HPS4: variants seen among roughly 807,000 people sequenced by gnomAD.
HPS4 encodes BLOC-3 complex member HPS4.
A neutral mutation model predicts 70.3 loss-of-function variants in HPS4; 44 were observed. The observed-to-expected ratio is 0.63, with a 90% CI of 0.49 to 0.80. The LOEUF (loss-of-function observed/expected upper bound fraction) is 0.80, where lower values mean the gene tolerates loss of function less well. HPS4 is among the 30% of genes least tolerant of loss of function. The pLI is 0.00. For missense variants in HPS4, 873 were observed against 884.4 expected, an observed-to-expected ratio of 0.99 and a Z score of 0.16; for synonymous variants, 377 against 355.9, an observed-to-expected ratio of 1.06 and a Z score of -0.67.
chr22:26,458,101 A>T, intron 12 of HPS4, 134 bp from the exon 13 acceptor site: 2 of 802,608 alleles, frequency 2.5e-6, no homozygotes, highest in Non-Finnish European at 4.2e-6. Flanking sequence ...GCAGAGACAA[A>T]GGCCCGGGGC....
At chr22:26,466,111 T>A in intron 9 of HPS4, 115 bp downstream of exon 9, 3 of 1,609,402 alleles carry the variant, frequency 1.9e-6, no homozygotes, top group Non-Finnish European at 2.5e-6. Context: ...TTTCCTATTA[T>A]GAGCAGAGGA....
At position 26,445,797 on chromosome 22, in the gene HPS4, G is replaced by A. The variant is rs776062783; in HGVS notation, n.519-1103C>T. On this transcript the variant is annotated intron_variant and non_coding_transcript_variant, in intron 3 of 3. Transcript: ENST00000493455. ...ACACATCGGGACAGCAGTGGGTGTGGCCAGAGAAGCCAGTGGCTACTTTCA... is the reference window on the plus strand; with the variant it reads ...ACACATCGGGACAGCAGTGGGTGTGACCAGAGAAGCCAGTGGCTACTTTCA... Among the ~76,000 whole-genome samples, 16 of 152,326 alleles carry A rather than the reference G, an allele frequency of 1.1e-4. No homozygotes were observed. In the Middle Eastern group the frequency reaches 0.014, roughly 130 times the overall value.
rs561924147 is a variant in HPS4, at chr22:26,453,066, C to A, written c.*167G>T. 8.0e-6 allele frequency: 6 copies of A among 745,428 alleles called. No homozygotes were observed. The highest frequency in any genetic ancestry group is 2.6e-5 in the East Asian group (1 of 39,006). 46.2% of individuals were successfully genotyped at this position (745,428 alleles called of 1,614,324 possible). ...GACCTGAAGAACTAACCCCTGCCCC[C>A]AAAACACATCCCAATCTGCAAAAGG... is the stretch of plus-strand genomic sequence containing the variant. On this transcript the variant is annotated 3_prime_UTR_variant, in exon 14 of 14. Coordinates refer to ENST00000398145, the MANE Select transcript of HPS4 (RefSeq NM_022081.6).
At chr22:26,466,175 A>G (rs752910398) in intron 9 of HPS4, 51 bp downstream of exon 9, 2 of 1,612,384 alleles carry the variant, frequency 1.2e-6, no homozygotes, top group South Asian at 1.1e-5. Flanking sequence ...AGGGGTAGGT[A>G]GCATAAAAGA....
chr22:26,465,790 G>C (rs972754482), intron 9 of HPS4: 1 of 579,710 alleles, frequency 1.7e-6, no homozygotes, highest in Non-Finnish European at 3.1e-6. Context: ...ATGTTCGGGA[G>C]AGAAAGGTTG....
downstream of HPS4, among the ~76,000 whole-genome samples, chr22:26,446,179 G>A (rs141363239): frequency 1.1e-4 from 17 of 152,280 alleles, no homozygotes; most frequent in East Asian, 3.1e-3. Flanking sequence ...CCTTCCACCC[G>A]AGACAGGCTG....
In HPS4 at chr22:26,481,811, T is replaced by C. The variant is rs1477328535; in HGVS notation, c.-49A>G. 17 of 1,563,434 alleles carry C rather than the reference T, an allele frequency of 1.1e-5. No individual in the cohort carries two copies. Among genetic ancestry groups the C allele is most frequent in the African/African-American group, 1.4e-5 (1 of 73,838 alleles). On this transcript the variant is annotated 5_prime_UTR_variant, in exon 2 of 14. It adds an upstream start codon to the 5' untranslated region. Coordinates refer to ENST00000398145, the MANE Select transcript of HPS4 (RefSeq NM_022081.6). ...TCTTCATTTAGGTTTTCTTTTCCGG[T>C]ATCACTTCTTTCTCCCTAGCTGTGA...
rs1457438126 is a variant in HPS4 at position 26,453,189 on chromosome 22, T to G, written c.*44A>C. ...CTTTTCAATTATAAAAGGCAGAGCT[T>G]CCTTTGCTGGTTTTCTCCTTCCCAG... is the stretch of plus-strand genomic sequence containing the variant. On this transcript the variant is annotated 3_prime_UTR_variant, in exon 14 of 14. Transcript: ENST00000398145. 6.3e-7 allele frequency: 1 copy of G among 1,594,942 alleles called. No homozygotes were observed. Among genetic ancestry groups the G allele is most frequent in the Non-Finnish European group, 8.6e-7 (1 of 1,163,596 alleles).
At chr22:26,447,154 A>C (rs967667586), downstream of HPS4, among the ~76,000 whole-genome samples, 5 of 152,342 alleles carry the variant, frequency 3.3e-5, no homozygotes, top group East Asian at 9.7e-4. Context: ...TCAGTCTTCC[A>C]AACTCTGGGC....
chr22:26,479,335 T>TA lies in HPS4; in HGVS notation c.61dup (p.Tyr21LeufsTer2). On this transcript the variant is annotated frameshift_variant, in exon 3 of 14. Coordinates refer to ENST00000398145, the MANE Select transcript of HPS4 (RefSeq NM_022081.6). LOFTEE classifies it high-confidence loss of function. ...TTCTTCCTTTACCTTGGAACCATCA[T>TA]AAAGAAAAAAATAATTCCACCTGGC... is the stretch of plus-strand genomic sequence containing the variant. 6.2e-7 allele frequency: 1 copy of TA among 1,614,060 alleles called. No individual in the cohort carries two copies. The highest frequency in any genetic ancestry group is 8.5e-7 in the Non-Finnish European group (1 of 1,179,988).
At chr22:26,477,897 G>A (rs1043800495) in intron 3 of HPS4, among the ~76,000 whole-genome samples, 3 of 152,190 alleles carry the variant, frequency 2.0e-5, no homozygotes, top group Non-Finnish European at 4.4e-5. Context: ...GGAAAAAGAT[G>A]AGTGGCTGGG....
In HPS4 at chr22:26,472,290, T is replaced by C. The variant is rs1213843380; in HGVS notation, c.501+12A>G. The C allele has an allele frequency of 6.9e-7, 1 of 1,456,346 alleles. No individual in the cohort carries two copies. Among genetic ancestry groups the C allele is most frequent in the Non-Finnish European group, 9.7e-7 (1 of 1,036,216 alleles). 90.2% of individuals were successfully genotyped at this position (1,456,346 alleles called of 1,614,324 possible). A position where few individuals can be genotyped will look rare whatever the true frequency, so the allele number is the denominator to read the frequency against. On this transcript the variant is annotated intron_variant, in intron 6 of 13. Transcript: ENST00000398145. ...TTACATATAAAATGAATAAGGAGGA[T>C]GAAAATGTTACTTTAGTTTGGTCCA...
At chr22:26,466,472 C>T in intron 8 of HPS4, 1 of 650,646 alleles carries the variant, frequency 1.5e-6, no homozygotes, top group Admixed American at 2.3e-5. Context: ...GAACCTGGGC[C>T]CACACAGGCT....
chr22:26,447,438 G>A (rs549700871), downstream of HPS4, among the ~76,000 whole-genome samples: 7 of 152,166 alleles, frequency 4.6e-5, no homozygotes, highest in African/African-American at 7.2e-5. Flanking sequence ...TTGAGTTGTG[G>A]TTTCTATCCT....
intron 10 of HPS4, 37 bp from the exon 11 acceptor site, chr22:26,464,863 G>A (rs370690833): frequency 7.3e-5 from 114 of 1,551,330 alleles, no homozygotes; most frequent in Non-Finnish European, 9.7e-5. Flanking sequence ...GGGGCACGTT[G>A]ACAGACTGCA....
At chr22:26,456,745 C>CTGCT (rs760757566) in intron 13 of HPS4, among the ~76,000 whole-genome samples, 2 of 152,166 alleles carry the variant, frequency 1.3e-5, no homozygotes, top group African/African-American at 4.8e-5. Context: ...TGCCCTTGAC[C>CTGCT]TGCTAACTTG....
rs576043354 is a variant in HPS4, at chr22:26,445,514, C to T, written n.519-820G>A. On this transcript the variant is annotated intron_variant and non_coding_transcript_variant, in intron 3 of 3. Coordinates refer to the HPS4 transcript ENST00000493455. ...AGCACATCTAGGATATGTTAAGGAG[C>T]AATAGATGTCTAACTGGGCAAAGAA... Among the ~76,000 whole-genome samples the T allele has an allele frequency of 2.0e-5, 3 of 152,232 alleles. No homozygotes were observed. In the East Asian group the frequency reaches 5.8e-4, roughly 29 times the overall value.
chr22:26,458,086 C>G, intron 12 of HPS4, 119 bp from the exon 13 acceptor site: 6 of 901,810 alleles, frequency 6.7e-6, no homozygotes, highest in Non-Finnish European at 8.8e-6. Flanking sequence ...AGTTGGCTGC[C>G]CGGGGCAGAG....
rs1210344296 is a variant in HPS4 at position 26,464,700 on chromosome 22, A to G, written c.930T>C (p.Asp310=). ...GACAAGCTTCGTCAGGGGATGTGGG[A>G]TCTGGGGTGGTCCAGGCCATGGATT... ...HVESMAWTTP[D]PTSPDEACPD... The change falls in exon 11 of 14, where the codon GAT becomes GAC. Residue 310 remains aspartate, a synonymous_variant. Coordinates refer to ENST00000398145, the MANE Select transcript of HPS4 (RefSeq NM_022081.6). The G allele has an allele frequency of 4.4e-6, 7 of 1,607,638 alleles. No homozygotes were observed. In the Admixed American group the frequency reaches 1.0e-4, roughly 23 times the overall value.
Sources: allele counts gnomAD v4.1 joint callset (sites outside exome capture counted in the v4.1 genomes callset), GRCh38; gene constraint gnomAD v4.1.1; transcripts MANE v1.5; gene names NCBI Gene and HGNC (gene_info 2026-07-23, HGNC 2026-07-21).